The following NAP1L1 variants were observed in gnomAD, a reference collection of about 807,000 sequenced individuals.
NAP1L1 encodes nucleosome assembly protein 1-like 1.
In NAP1L1, 9 loss-of-function variants were observed where a neutral mutation model predicts 58.9. The ratio of observed to expected loss-of-function variants is 0.15; its 90% CI spans 0.09 to 0.27. The LOEUF (loss-of-function observed/expected upper bound fraction) is 0.27, where lower values mean the gene tolerates loss of function less well. NAP1L1 is among the 10% of genes least tolerant of loss of function. NAP1L1 has a pLI of 1.00. For synonymous variants in NAP1L1, 130 were observed against 138.3 expected, an observed-to-expected ratio of 0.94 and a Z score of 0.42; for missense variants, 302 against 458.8, an observed-to-expected ratio of 0.66 and a Z score of 3.12.
intron 2 of NAP1L1, among the ~76,000 whole-genome samples, chr12:76,070,991 A>G (rs58164675): frequency 0.011 from 1,637 of 152,312 alleles, 22 homozygotes; most frequent in African/African-American, 0.037. Context: ...TTAACACAGT[A>G]AGAATTCTCT....
At position 76,040,993 on chromosome 12, in the gene NAP1L1, G is replaced by C. The variant is rs1461229851; in HGVS notation, c.*7436C>G. ...CACAGTAGGCTGTCAAGTTTTGGGG[G>C]AATCAGCTTATACATAGATTTGACT... On this transcript the variant is annotated 3_prime_UTR_variant, in exon 15 of 15. Transcript: ENST00000618691. 1 of 152,230 alleles carries C rather than the reference G, an allele frequency of 6.6e-6. No homozygotes were observed. 9.4% of individuals were successfully genotyped at this position (152,230 alleles called of 1,614,324 possible).
At chr12:76,065,386 T>A (rs1308066939) in intron 4 of NAP1L1, among the ~76,000 whole-genome samples, 1 of 151,930 alleles carries the variant, frequency 6.6e-6, no homozygotes, top group African/African-American at 2.4e-5. Context: ...CTGGTAATGT[T>A]GTAAAGAAAA....
chr12:76,076,591 T>TATATATA (rs1362111969), intron 1 of NAP1L1, among the ~76,000 whole-genome samples: 1 of 115,972 alleles, frequency 8.6e-6, no homozygotes, highest in South Asian at 2.8e-4. Context: ...TATATATATA[T>TATATATA]ATCTCCACTC....
chr12:76,047,362 A>C lies in NAP1L1; in HGVS notation c.*1067T>G, dbSNP rs1948630767. The C allele has an allele frequency of 8.7e-6, 1 of 115,582 alleles. No homozygotes were observed. The highest frequency in any genetic ancestry group is 3.5e-4 in the South Asian group (1 of 2,876). 7.2% of individuals were successfully genotyped at this position (115,582 alleles called of 1,614,324 possible). A position where few individuals can be genotyped will look rare whatever the true frequency, so the allele number is the denominator to read the frequency against. On this transcript the variant is annotated 3_prime_UTR_variant, in exon 15 of 15. Transcript: ENST00000618691. ...GGCCTTCTCTCTAGCTCTAACCCAAAGAAAATGAATTTTTTTTTTTTTTTT... is the reference window on the plus strand; with the variant it reads ...GGCCTTCTCTCTAGCTCTAACCCAACGAAAATGAATTTTTTTTTTTTTTTT...
Position 76,048,425 on chromosome 12 carries a change from T to TG in NAP1L1, c.*3dup, listed in dbSNP as rs774911498. On this transcript the variant is annotated 3_prime_UTR_variant, in exon 15 of 15. Coordinates refer to ENST00000618691, the MANE Select transcript of NAP1L1 (RefSeq NM_004537.7). The stretch of plus-strand genomic sequence containing the variant: ...GTTATCCTCAAGGCCACATACATCC[T>TG]GCTTCACTGCTGCTTGCACTCTGCT... 55 of 1,613,328 alleles carry TG rather than the reference T, an allele frequency of 3.4e-5. No homozygotes were observed. The highest frequency in any genetic ancestry group is 4.0e-5 in the Non-Finnish European group (47 of 1,179,644).
intron 1 of NAP1L1, among the ~76,000 whole-genome samples, chr12:76,077,199 T>C (rs891591153): frequency 1.3e-5 from 2 of 152,220 alleles, no homozygotes; most frequent in South Asian, 2.1e-4. Flanking sequence ...AATGAAACTT[T>C]AGTAAAGAGG....
chr12:76,081,130 GAACT>G (rs1384007966), intron 1 of NAP1L1, among the ~76,000 whole-genome samples: 2 of 151,916 alleles, frequency 1.3e-5, no homozygotes, highest in African/African-American at 4.8e-5. Flanking sequence ...AACAGAAAAT[GAACT>G]AATATTCATG....
Position 76,039,381 on chromosome 12 carries a change from AGAAT to A in NAP1L1, c.*9044_*9047del, listed in dbSNP as rs1320739244. The A allele has an allele frequency of 6.6e-6, 1 of 152,336 alleles. No homozygotes were observed. The highest frequency in any genetic ancestry group is 1.5e-5 in the Non-Finnish European group (1 of 68,118). 9.4% of individuals were successfully genotyped at this position (152,336 alleles called of 1,614,324 possible). A position where few individuals can be genotyped will look rare whatever the true frequency, so the allele number is the denominator to read the frequency against. ...AACCAACTTGCCAAAGACAAAAAGTAGAATGAAAGTCTGCCTGAGAACCATGAAG... is the reference window on the plus strand; with the variant it reads ...AACCAACTTGCCAAAGACAAAAAGTAGAAAGTCTGCCTGAGAACCATGAAG... On this transcript the variant is annotated 3_prime_UTR_variant, in exon 15 of 15. Transcript: ENST00000618691.
chr12:76,074,496 A>G lies in NAP1L1; in HGVS notation c.-20-257T>C, dbSNP rs866784448. 2.9e-5 allele frequency: 8 copies of G among 271,884 alleles called. 1 individual carries two copies. In the Middle Eastern group the frequency reaches 7.6e-3, roughly 257 times the overall value. The allele number at this position is 271,884 out of a possible 1,614,324, so 16.8% of individuals were successfully genotyped here. On this transcript the variant is annotated intron_variant, in intron 1 of 14. Transcript: ENST00000618691. ...ACTAAGCTTTTAGAATCTGTTGTAT[A>G]AAGACTATGATAATAGCACCATTGG...
At chr12:76,057,030 G>C (rs1473768188) in intron 6 of NAP1L1, 1 of 198,812 alleles carries the variant, frequency 5.0e-6, no homozygotes, top group African/African-American at 2.4e-5. Flanking sequence ...CAGTGGCTCA[G>C]TGGTTCAAGC....
rs916518299 is a variant in NAP1L1, at chr12:76,038,053, G to C, written c.*10376C>G. On this transcript the variant is annotated 3_prime_UTR_variant, in exon 15 of 15. Coordinates refer to ENST00000618691, the MANE Select transcript of NAP1L1 (RefSeq NM_004537.7). ...CTTTGAAGTGACAAACGAAAATATG[G>C]AACTGGATGAAATGGAGCAGAGAGG... The C allele has an allele frequency of 6.6e-6, 1 of 152,290 alleles. No individual in the cohort carries two copies. Among genetic ancestry groups the C allele is most frequent in the African/African-American group, 2.4e-5 (1 of 41,550 alleles). 9.4% of individuals were successfully genotyped at this position (152,290 alleles called of 1,614,324 possible).
rs902950617 is a variant in NAP1L1 at position 76,056,305 on chromosome 12, TAACA to T, written c.430-148_430-145del. On this transcript the variant is annotated intron_variant, in intron 6 of 14. Coordinates refer to ENST00000618691, the MANE Select transcript of NAP1L1 (RefSeq NM_004537.7). Reference sequence around the variant, plus strand: ...TCTGTGTAAACACCGCCGTTGCCCATAACAAACCTTAATCCCATCAAAATTACTG... The same window carrying T: ...TCTGTGTAAACACCGCCGTTGCCCATAACCTTAATCCCATCAAAATTACTG... 4 of 754,400 alleles carry T rather than the reference TAACA, an allele frequency of 5.3e-6. No individual in the cohort carries two copies. The African/African-American group carries it at 7.1e-5, about 13-fold the overall frequency. 46.7% of individuals were successfully genotyped at this position (754,400 alleles called of 1,614,324 possible).
Position 76,060,159 on chromosome 12 carries a change from G to A in NAP1L1, c.327C>T (p.Leu109=), listed in dbSNP as rs1949343329. Residue 109 remains leucine (L), a synonymous_variant, in exon 5 of 15, where the codon CTC becomes CTT. Coordinates refer to ENST00000618691, the MANE Select transcript of NAP1L1 (RefSeq NM_004537.7). Reference sequence around the variant, plus strand: ...TTACCTTATCAAATAGAGGCTGATAGAGAACAGCATACTTCCTTTCAAGAT... The same window carrying A: ...TTACCTTATCAAATAGAGGCTGATAAAGAACAGCATACTTCCTTTCAAGAT... ...VHDLERKYAV[L]YQPLFDKRFE... is the part of the protein sequence containing the mutation. 2 of 1,612,838 alleles carry A rather than the reference G, an allele frequency of 1.2e-6. No individual in the cohort carries two copies. The highest frequency in any genetic ancestry group is 1.1e-5 in the South Asian group (1 of 91,018).
At chr12:76,062,641 C>T (rs975858694) in intron 4 of NAP1L1, among the ~76,000 whole-genome samples, 1 of 152,000 alleles carries the variant, frequency 6.6e-6, no homozygotes, top group African/African-American at 2.4e-5. Flanking sequence ...ATAAGAGAAA[C>T]AGGATAGATT....
At chr12:76,070,215 C>CA (rs1314232494) in intron 2 of NAP1L1, among the ~76,000 whole-genome samples, 2 of 152,110 alleles carry the variant, frequency 1.3e-5, no homozygotes, top group African/African-American at 4.8e-5. Flanking sequence ...CTCTGCCCCC[C>CA]AAGCTCAAGC....
At chr12:76,054,021 T>G in intron 8 of NAP1L1, 112 bp from the exon 9 acceptor site, 1 of 906,058 alleles carries the variant, frequency 1.1e-6, no homozygotes, top group Non-Finnish European at 1.6e-6. Flanking sequence ...AATTTTTTTT[T>G]CTACTCTGAA....
At chr12:76,076,704 A>G (rs1340743656) in intron 1 of NAP1L1, among the ~76,000 whole-genome samples, 1 of 151,902 alleles carries the variant, frequency 6.6e-6, no homozygotes, top group Non-Finnish European at 1.5e-5. Flanking sequence ...GGGTAATGAG[A>G]ACTAATTTCC....
At chr12:76,078,994 T>C (rs11180822) in intron 1 of NAP1L1, among the ~76,000 whole-genome samples, 2,160 of 151,376 alleles carry the variant, frequency 0.014, 65 homozygotes, top group African/African-American at 0.049. Flanking sequence ...TATATATATA[T>C]ACACACACAC....
At chr12:76,057,701 A>G in intron 6 of NAP1L1, 1 of 1,523,334 alleles carries the variant, frequency 6.6e-7, no homozygotes, top group Non-Finnish European at 8.9e-7. Context: ...AAATGTAGAC[A>G]ATGATTAGAG....
Sources: gnomAD v4.1 joint callset for allele counts (sites outside exome capture counted in the v4.1 genomes callset) on GRCh38, gnomAD v4.1.1 for gene constraint, MANE v1.5 for transcripts, NCBI Gene and HGNC (gene_info 2026-07-23, HGNC 2026-07-21) for gene names.